TPR: variants seen among roughly 807,000 people sequenced by gnomAD.
TPR encodes the protein nucleoprotein TPR.
A neutral mutation model predicts 316.1 loss-of-function variants in TPR; 51 were observed. The ratio of observed to expected loss-of-function variants is 0.16; its 90% CI spans 0.13 to 0.20. The LOEUF (loss-of-function observed/expected upper bound fraction) is 0.20. Ranked by LOEUF, TPR falls within the 10% of genes least tolerant of loss-of-function variation. TPR has a pLI of 1.00. For missense variants in TPR, 2,272 were observed against 2,754.8 expected, an observed-to-expected ratio of 0.82 and a Z score of 3.92; for synonymous variants, 981 against 914.7, an observed-to-expected ratio of 1.07 and a Z score of -1.31.
intron 45 of TPR, among the ~76,000 whole-genome samples, chr1:186,321,419 G>A (rs1368387596): frequency 6.6e-6 from 1 of 152,110 alleles, no homozygotes; most frequent in African/African-American, 2.4e-5. Flanking sequence ...TAAGAGGAGT[G>A]GTATAGCACA....
chr1:186,354,959 G>T (rs748020333), intron 17 of TPR, among the ~76,000 whole-genome samples: 1 of 152,116 alleles, frequency 6.6e-6, no homozygotes, highest in Non-Finnish European at 1.5e-5. Context: ...CTGGAGTGCA[G>T]TGGCCCCAAT....
At chr1:186,339,968 G>GA (rs555429055) in intron 29 of TPR, among the ~76,000 whole-genome samples, 196 bp from the exon 30 acceptor site, 14 of 148,244 alleles carry the variant, frequency 9.4e-5, no homozygotes, top group East Asian at 1.9e-4. Context: ...AATACAAGAG[G>GA]AAAAAAAAAT....
At chr1:186,319,533 C>A (rs1175243197) in intron 46 of TPR, among the ~76,000 whole-genome samples, 4 of 152,136 alleles carry the variant, frequency 2.6e-5, no homozygotes, top group Admixed American at 6.5e-5. Flanking sequence ...TACAAAGTCA[C>A]AAAATCACAT....
chr1:186,365,553 AAT>A (rs1360059076), intron 4 of TPR, among the ~76,000 whole-genome samples: 6 of 152,322 alleles, frequency 3.9e-5, no homozygotes, highest in African/African-American at 1.2e-4. Context: ...TTTACGGCTC[AAT>A]AGAGATGATA....
intron 15 of TPR, 54 bp downstream of exon 15, chr1:186,356,232 T>A (rs539248744): frequency 2.9e-5 from 42 of 1,450,750 alleles, no homozygotes; most frequent in Admixed American, 1.6e-4. Flanking sequence ...GCAAAATTAA[T>A]CCCTTAATAT....
chr1:186,327,407 A>G, intron 40 of TPR, 53 bp downstream of exon 40: 1 of 1,570,508 alleles, frequency 6.4e-7, no homozygotes. Flanking sequence ...CAAGGATTTG[A>G]GCACTTTCAT....
Position 186,350,216 on chromosome 1 carries a change from T to C in TPR, c.2776+7A>G. The stretch of plus-strand genomic sequence containing the variant: ...TACAATTATATTGGTCTACTTATTT[T>C]ATTTACCTTTACCAGTTCTCTGTGA... On this transcript the variant is annotated splice_region_variant and intron_variant, in intron 21 of 50. Coordinates refer to ENST00000367478, the MANE Select transcript of TPR (RefSeq NM_003292.3). The C allele has an allele frequency of 6.3e-7, 1 of 1,596,096 alleles. No homozygotes were observed. The highest frequency in any genetic ancestry group is 8.5e-7 in the Non-Finnish European group (1 of 1,174,522).
At chr1:186,344,230 G>T in intron 25 of TPR, 140 bp from the exon 26 acceptor site, 2 of 1,355,348 alleles carry the variant, frequency 1.5e-6, no homozygotes, top group Non-Finnish European at 2.0e-6. Flanking sequence ...AACCCAGCAG[G>T]TGGAGATTGC....
chr1:186,351,687 T>C (rs1336827671), intron 19 of TPR, among the ~76,000 whole-genome samples: 3 of 152,102 alleles, frequency 2.0e-5, no homozygotes, highest in Non-Finnish European at 4.4e-5. Context: ...CATTCAGATT[T>C]CCCAAAGTTT....
intron 24 of TPR, among the ~76,000 whole-genome samples, chr1:186,345,208 C>G (rs1257497146): frequency 1.3e-5 from 2 of 152,058 alleles, no homozygotes; most frequent in African/African-American, 4.8e-5. Flanking sequence ...AATGCATTAA[C>G]AATGTTATCA....
At chr1:186,341,972 ATTT>A (rs201336032) in intron 27 of TPR, 2 of 145,518 alleles carry the variant, frequency 1.4e-5, no homozygotes, top group Admixed American at 6.9e-5. Flanking sequence ...TACTATTATA[ATTT>A]TTTTTTTTTT....
intron 49 of TPR, among the ~76,000 whole-genome samples, chr1:186,317,264 T>A (rs967113245): frequency 2.0e-5 from 3 of 152,236 alleles, no homozygotes; most frequent in African/African-American, 7.2e-5. Context: ...TTGGGATGGA[T>A]CCACCATGTC....
Position 186,338,609 on chromosome 1 carries a change from G to A in TPR, c.4152-366C>T, listed in dbSNP as rs762439350. Among the ~76,000 whole-genome samples the A allele has an allele frequency of 7.7e-4, 117 of 152,116 alleles. 1 individual carries two copies. The highest frequency in any genetic ancestry group is 7.4e-4 in the Non-Finnish European group (50 of 68,024). ...ATTGTCAAATTTTTTCTGTAAAAGG[G>A]CCGGATAGAATGTTATGCTTTGCAA... On this transcript the variant is annotated intron_variant, in intron 30 of 50. Transcript: ENST00000367478.
chr1:186,358,331 C>T (rs1324863985), intron 13 of TPR, among the ~76,000 whole-genome samples: 1 of 151,932 alleles, frequency 6.6e-6, no homozygotes, highest in Admixed American at 6.6e-5. Context: ...TTTATTACAA[C>T]CAACACGTAT....
chr1:186,353,588 A>G, intron 18 of TPR, 100 bp downstream of exon 18: 1 of 1,362,658 alleles, frequency 7.3e-7, no homozygotes, highest in Non-Finnish European at 1.0e-6. Flanking sequence ...CAAACTTCTT[A>G]AATACCTAAG....
At chr1:186,350,843 C>T (rs1455665515) in intron 20 of TPR, among the ~76,000 whole-genome samples, 1 of 152,094 alleles carries the variant, frequency 6.6e-6, no homozygotes, top group Non-Finnish European at 1.5e-5. Context: ...AAGGAGCTTA[C>T]CCCAGACAGG....
chr1:186,318,390 C>A, intron 48 of TPR, 57 bp downstream of exon 48: 4 of 1,515,738 alleles, frequency 2.6e-6, no homozygotes, highest in East Asian at 4.7e-5. Flanking sequence ...TAAAGGAAAA[C>A]AAATGTACAA....
chr1:186,371,847 T>C (rs1468832292), intron 2 of TPR, among the ~76,000 whole-genome samples: 1 of 152,156 alleles, frequency 6.6e-6, no homozygotes, highest in Non-Finnish European at 1.5e-5. Context: ...ATCCAGAGTA[T>C]ATAAATACAC....
chr1:186,328,255 C>T (rs899775029), intron 39 of TPR, among the ~76,000 whole-genome samples: 2 of 152,024 alleles, frequency 1.3e-5, no homozygotes, highest in African/African-American at 2.4e-5. Flanking sequence ...AAACTACTAG[C>T]GTGATATCGC....
Sources: gnomAD v4.1 joint callset for allele counts (sites outside exome capture counted in the v4.1 genomes callset) on GRCh38, gnomAD v4.1.1 for gene constraint, MANE v1.5 for transcripts, NCBI Gene and HGNC (gene_info 2026-07-23, HGNC 2026-07-21) for gene names.